The following SLC2A13 variants were observed in gnomAD, a reference collection of about 807,000 sequenced individuals.
The protein encoded by SLC2A13 is solute carrier family 2 member 13.
A neutral mutation model predicts 64.4 loss-of-function variants in SLC2A13; 32 were observed. The observed-to-expected ratio is 0.50, with a 90% CI of 0.37 to 0.67. The LOEUF is 0.67. Among genes scored for constraint, SLC2A13 ranks in the 30% least tolerant of loss-of-function variants. The pLI is 0.00. For missense variants in SLC2A13, 743 were observed against 829.2 expected, an observed-to-expected ratio of 0.90 and a Z score of 1.28; for synonymous variants, 338 against 327.1, an observed-to-expected ratio of 1.03 and a Z score of -0.36.
At chr12:40,033,835 T>C (rs1434315687) in intron 2 of SLC2A13, among the ~76,000 whole-genome samples, 1 of 152,240 alleles carries the variant, frequency 6.6e-6, no homozygotes, top group African/African-American at 2.4e-5. Flanking sequence ...TTTGAAAATA[T>C]TTTCTATGAT....
At chr12:39,821,143 G>A (rs1942496200) in intron 7 of SLC2A13, among the ~76,000 whole-genome samples, 1 of 152,034 alleles carries the variant, frequency 6.6e-6, no homozygotes, top group African/African-American at 2.4e-5. Context: ...ATTTTTCGCA[G>A]TGGCTCACGC....
At chr12:39,944,236 C>A (rs757718108) in intron 4 of SLC2A13, among the ~76,000 whole-genome samples, 1 of 152,182 alleles carries the variant, frequency 6.6e-6, no homozygotes, top group East Asian at 1.9e-4. Flanking sequence ...TTTTCTTAAA[C>A]TTATTGAGGC....
Position 39,830,225 on chromosome 12 carries a change from G to A in SLC2A13, c.1323C>T (p.Tyr441=). ...CTGGATCCAACATACATTCATTACA[G>A]TAACTGAAAAATGAAAAGAGTTACC... ...GQNATCTRYS[Y]CNECMLDPDC... is the part of the protein sequence containing the mutation. The change falls in exon 7 of 10, where the codon TAC becomes TAT. Residue 441 remains tyrosine, a synonymous_variant. Transcript: ENST00000280871. 2.5e-6 allele frequency: 4 copies of A among 1,611,904 alleles called. No homozygotes were observed. Among genetic ancestry groups the A allele is most frequent in the Non-Finnish European group, 3.4e-6 (4 of 1,178,730 alleles).
At chr12:39,943,918 A>T (rs566636402) in intron 4 of SLC2A13, among the ~76,000 whole-genome samples, 34 of 152,306 alleles carry the variant, frequency 2.2e-4, no homozygotes, top group African/African-American at 7.5e-4. Flanking sequence ...TAGCTGCAGG[A>T]GTTTTTTTTC....
intron 4 of SLC2A13, among the ~76,000 whole-genome samples, chr12:39,887,427 G>C (rs1321379163): frequency 1.3e-5 from 2 of 152,022 alleles, no homozygotes; most frequent in African/African-American, 2.4e-5. Flanking sequence ...GAGGGCTCTA[G>C]AATCAATGAA....
intron 7 of SLC2A13, among the ~76,000 whole-genome samples, chr12:39,788,185 T>A (rs1566789694): frequency 2.6e-5 from 4 of 152,160 alleles, no homozygotes; most frequent in Admixed American, 2.0e-4. Flanking sequence ...ACCCTATAGA[T>A]GCTGTGTCAT....
intron 3 of SLC2A13, among the ~76,000 whole-genome samples, chr12:40,001,880 A>T (rs1403183931): frequency 6.6e-6 from 1 of 152,236 alleles, no homozygotes; most frequent in Non-Finnish European, 1.5e-5. Context: ...TTGATAATTT[A>T]TTTCACTAGG....
Position 39,971,824 on chromosome 12 carries a change from T to C in SLC2A13, c.926-20459A>G, listed in dbSNP as rs573049739. Among the ~76,000 whole-genome samples the C allele has an allele frequency of 3.3e-5, 5 of 150,772 alleles. No homozygotes were observed. In the South Asian group the frequency reaches 8.4e-4, roughly 25 times the overall value. ...ACCCTGTCTCTATTAAAAATACAAA[T>C]ATTAGATGGGCATGTTGGTTTGCGC... On this transcript the variant is annotated intron_variant, in intron 3 of 9. Transcript: ENST00000280871.
chr12:39,799,781 C>G (rs11836908), intron 7 of SLC2A13, among the ~76,000 whole-genome samples: 1 of 152,212 alleles, frequency 6.6e-6, no homozygotes, highest in African/African-American at 2.4e-5. Flanking sequence ...CAGGATAACA[C>G]ATTCACATTA....
intron 3 of SLC2A13, among the ~76,000 whole-genome samples, chr12:39,959,114 T>C (rs1450007663): frequency 6.6e-6 from 1 of 152,156 alleles, no homozygotes; most frequent in African/African-American, 2.4e-5. Flanking sequence ...ATGAAGCAAT[T>C]TGAGTATACT....
intron 4 of SLC2A13, among the ~76,000 whole-genome samples, chr12:39,897,996 T>C (rs573372054): frequency 3.9e-5 from 6 of 152,130 alleles, no homozygotes; most frequent in Non-Finnish European, 8.8e-5. Context: ...ACTTAAGAGA[T>C]GTTATCAGTT....
chr12:39,847,516 C>T (rs1943350689), intron 6 of SLC2A13, among the ~76,000 whole-genome samples: 1 of 152,062 alleles, frequency 6.6e-6, no homozygotes, highest in Admixed American at 6.6e-5. Flanking sequence ...TTCTGCCTTT[C>T]CTTCTGGCTT....
intron 5 of SLC2A13, among the ~76,000 whole-genome samples, chr12:39,865,345 T>C (rs983975970): frequency 1.3e-5 from 2 of 152,220 alleles, no homozygotes; most frequent in African/African-American, 4.8e-5. Context: ...TAAACCTTTT[T>C]AGTTTAACAA....
intron 7 of SLC2A13, among the ~76,000 whole-genome samples, chr12:39,813,041 CA>C (rs1942236299): frequency 2.4e-5 from 2 of 82,014 alleles, no homozygotes; most frequent in Non-Finnish European, 4.5e-5. Flanking sequence ...GATGGGGTTT[CA>C]CCATGTTGGC....
intron 4 of SLC2A13, among the ~76,000 whole-genome samples, chr12:39,931,032 T>C (rs1376854102): frequency 1.3e-5 from 2 of 152,198 alleles, no homozygotes; most frequent in Non-Finnish European, 2.9e-5. Context: ...TTCTAATAAA[T>C]ATGTTAATAA....
chr12:39,909,839 C>T (rs573913560), intron 4 of SLC2A13, among the ~76,000 whole-genome samples: 2 of 149,346 alleles, frequency 1.3e-5, no homozygotes, highest in East Asian at 1.9e-4. Flanking sequence ...GTTTTCTTTT[C>T]ATTACTCTTC....
chr12:39,960,426 G>T (rs1240564235), intron 3 of SLC2A13, among the ~76,000 whole-genome samples: 2 of 152,202 alleles, frequency 1.3e-5, no homozygotes, highest in African/African-American at 4.8e-5. Flanking sequence ...TATTGTCTAA[G>T]CTGCAGTGCA....
At chr12:39,988,675 GAAGAAGGGAGGGAGGGAGGA>G (rs1244595679) in intron 3 of SLC2A13, among the ~76,000 whole-genome samples, 4 of 93,632 alleles carry the variant, frequency 4.3e-5, no homozygotes, top group Admixed American at 1.3e-4. Flanking sequence ...GGGAGGGAGG[GAAGAAGGGAGGGAGGGAGGA>G]AGGAAGGAAG....
intron 2 of SLC2A13, among the ~76,000 whole-genome samples, chr12:40,036,428 G>T (rs1947985332): frequency 6.6e-6 from 1 of 152,140 alleles, no homozygotes; most frequent in South Asian, 2.1e-4. Context: ...TCAAGAAAGA[G>T]AACATTTCCA....
Sources: gnomAD v4.1 joint callset for allele counts (sites outside exome capture counted in the v4.1 genomes callset) on GRCh38, gnomAD v4.1.1 for gene constraint, MANE v1.5 for transcripts, NCBI Gene and HGNC (gene_info 2026-07-23, HGNC 2026-07-21) for gene names.